AHI1: variants seen among roughly 807,000 people sequenced by gnomAD.
The protein encoded by AHI1 is Abelson helper integration site 1, also known as jouberin.
Under a neutral mutation model 149.3 loss-of-function variants are expected in AHI1, and 123 were observed. The ratio of observed to expected loss-of-function variants is 0.82; its 90% confidence interval spans 0.71 to 0.96. The LOEUF (loss-of-function observed/expected upper bound fraction) is 0.96, where lower values mean the gene tolerates loss of function less well. Ranked by LOEUF, AHI1 falls within the 40% of genes least tolerant of loss-of-function variation. The pLI, the probability that AHI1 is intolerant of heterozygous loss-of-function variation, is 0.00. For synonymous variants in AHI1, 475 were observed against 459.8 expected (o/e 1.03, Z -0.42); for missense variants, 1,439 against 1,422.7 (o/e 1.01, Z -0.18).
intron 26 of AHI1, chr6:135,302,179 C>T: frequency 1.0e-6 from 1 of 985,322 alleles, no homozygotes; most frequent in South Asian, 4.7e-5. Context: ...GTCTCAGTAT[C>T]ATTTTTCTCT....
chr6:135,385,963 T>C (rs1339162256), intron 23 of AHI1, among the ~76,000 whole-genome samples: 2 of 152,232 alleles, frequency 1.3e-5, no homozygotes, highest in Non-Finnish European at 2.9e-5. Context: ...TATGATGTTA[T>C]AGCATTTACC....
chr6:135,362,119 TGTGA>T (rs1162889042), intron 23 of AHI1, among the ~76,000 whole-genome samples: 10 of 152,046 alleles, frequency 6.6e-5, no homozygotes, highest in Admixed American at 6.5e-4. Flanking sequence ...TGTGTGTAGG[TGTGA>T]GTGTGTGTAT....
chr6:135,361,990 CT>C (rs1793965086), intron 23 of AHI1, among the ~76,000 whole-genome samples: 1 of 152,138 alleles, frequency 6.6e-6, no homozygotes, highest in East Asian at 1.9e-4. Context: ...TCCCTCACCC[CT>C]GTCCCACCCT....
chr6:135,490,054 A>ACTC, intron 5 of AHI1: 1 of 640,600 alleles, frequency 1.6e-6, no homozygotes, highest in Non-Finnish European at 2.8e-6. Context: ...GCCAATACAG[A>ACTC]CTCTTTATGA....
chr6:135,446,749 G>C (rs2128055616), intron 13 of AHI1, among the ~76,000 whole-genome samples: 1 of 152,172 alleles, frequency 6.6e-6, no homozygotes, highest in East Asian at 1.9e-4. Flanking sequence ...AAGCCACCCA[G>C]TCAGTGGTAT....
chr6:135,388,431 T>C (rs1484105765), intron 23 of AHI1, among the ~76,000 whole-genome samples: 1 of 152,210 alleles, frequency 6.6e-6, no homozygotes, highest in Non-Finnish European at 1.5e-5. Context: ...AAATGTTTTT[T>C]CTTTGAAATA....
At chr6:135,425,829 G>A (rs1412795159) in intron 20 of AHI1, among the ~76,000 whole-genome samples, 1 of 151,748 alleles carries the variant, frequency 6.6e-6, no homozygotes, top group African/African-American at 2.4e-5. Flanking sequence ...CTACTCTGAT[G>A]ATAAAATCCT....
At chr6:135,311,428 A>G (rs1205442756) in intron 26 of AHI1, among the ~76,000 whole-genome samples, 1 of 152,142 alleles carries the variant, frequency 6.6e-6, no homozygotes, top group Non-Finnish European at 1.5e-5. Context: ...ATGCAAGAAC[A>G]TTTTTGTAAG....
chr6:135,366,259 C>T (rs1442393323), intron 23 of AHI1, among the ~76,000 whole-genome samples: 10 of 150,818 alleles, frequency 6.6e-5, no homozygotes, highest in South Asian at 4.2e-4. Flanking sequence ...TTTTTTGTTA[C>T]GTCCTTTCCT....
intron 24 of AHI1, among the ~76,000 whole-genome samples, chr6:135,346,475 C>A (rs1791242034): frequency 6.6e-6 from 1 of 152,120 alleles, no homozygotes; most frequent in South Asian, 2.1e-4. Context: ...GCTGGGATTA[C>A]AGGCGTGAGC....
chr6:135,408,299 CAT>C (rs1317133128), intron 21 of AHI1, among the ~76,000 whole-genome samples: 1 of 152,012 alleles, frequency 6.6e-6, no homozygotes, highest in East Asian at 1.9e-4. Context: ...ACAAGGAACA[CAT>C]TTTCTTTTTT....
In AHI1 at chr6:135,323,278, G is replaced by C. The variant is rs558305606; in HGVS notation, c.3212C>G (p.Thr1071Ser). The part of the protein sequence containing the change: ...DYTANRSDEL[T>S]IHRGDIIRVF... ...TCGGATAATGTCTCCGCGATGGATG[G>C]TTAGTTCATCTGATCGATTCGCTGT... The change falls in exon 25 of 29, where the codon ACC (threonine) becomes AGC (serine). Residue 1071 changes from threonine (T) to serine (S), a missense_variant. Physicochemically the swap from Thr to Ser is moderately conservative, Grantham distance 58. Coordinates refer to ENST00000265602, the MANE Select transcript of AHI1 (RefSeq NM_001134831.2). The C allele has an allele frequency of 9.9e-6, 16 of 1,613,676 alleles. No homozygotes were observed. In the South Asian group the frequency reaches 1.4e-4, roughly 14 times the overall value.
intron 26 of AHI1, chr6:135,305,260 C>T (rs1784407354): frequency 1.3e-5 from 2 of 152,164 alleles, no homozygotes; most frequent in South Asian, 2.1e-4. Flanking sequence ...CCTCTATTCC[C>T]GTGGATTCAG....
Position 135,479,379 on chromosome 6 carries a change from C to T in AHI1, c.135+11244G>A, listed in dbSNP as rs184579187. On this transcript the variant is annotated intron_variant, in intron 5 of 28. Coordinates refer to ENST00000265602, the MANE Select transcript of AHI1 (RefSeq NM_001134831.2). Reference sequence around the variant, plus strand: ...GTAGAGCTGCCCAAGGCCTTGGGAGCCTACCCCTTGTGTCAGGGTCGTCTA... The same window carrying T: ...GTAGAGCTGCCCAAGGCCTTGGGAGTCTACCCCTTGTGTCAGGGTCGTCTA... Among the ~76,000 whole-genome samples the T allele has an allele frequency of 4.6e-3, 708 of 152,314 alleles. 3 individuals are homozygous for T. Among genetic ancestry groups the T allele is most frequent in the Non-Finnish European group, 7.8e-3 (528 of 68,002 alleles).
intron 24 of AHI1, among the ~76,000 whole-genome samples, chr6:135,350,435 C>T (rs1375283163): frequency 3.3e-5 from 5 of 152,136 alleles, no homozygotes; most frequent in African/African-American, 1.2e-4. Flanking sequence ...TCTGTTCTTA[C>T]TTATTCTTAC....
chr6:135,405,244 CAATCAATAGAATAA>C (rs1314946175), intron 21 of AHI1, among the ~76,000 whole-genome samples: 1 of 152,096 alleles, frequency 6.6e-6, no homozygotes, highest in Non-Finnish European at 1.5e-5. Context: ...ACTTGCTCTT[CAATCAATAGAATAA>C]AATTCTATAC....
chr6:135,475,162 T>G (rs1792395024), intron 5 of AHI1, among the ~76,000 whole-genome samples: 1 of 152,222 alleles, frequency 6.6e-6, no homozygotes, highest in East Asian at 1.9e-4. Context: ...AATTTACACA[T>G]TTCATCTAAA....
At chr6:135,444,855 C>A (rs1786914755) in intron 13 of AHI1, among the ~76,000 whole-genome samples, 1 of 152,146 alleles carries the variant, frequency 6.6e-6, no homozygotes. Flanking sequence ...ACTAGTAACA[C>A]CTTAGAATCA....
rs191947983 is a variant in AHI1 at position 135,474,882 on chromosome 6, T to A, written c.136-7248A>T. On this transcript the variant is annotated intron_variant, in intron 5 of 28. Transcript: ENST00000265602. ...ATTTTGGTATGTATTTTTCTTGCAA[T>A]CTTTGTCTGGCTTTGGCAGCTGTGT... 4.9e-4 allele frequency among the ~76,000 whole-genome samples: 75 copies of A among 152,360 alleles called. 3 individuals are homozygous for A. The highest frequency in any genetic ancestry group is 4.9e-3 in the Admixed American group (75 of 15,310).
Sources: allele counts gnomAD v4.1 joint callset (sites outside exome capture counted in the v4.1 genomes callset), GRCh38; gene constraint gnomAD v4.1.1; transcripts MANE v1.5; gene names NCBI Gene and HGNC (gene_info 2026-07-23, HGNC 2026-07-21).